ITCH: variants seen among roughly 807,000 people sequenced by gnomAD.
ITCH encodes E3 ubiquitin-protein ligase Itchy homolog.
A neutral mutation model predicts 126.8 loss-of-function variants in ITCH; 28 were observed. The ratio of observed to expected loss-of-function variants is 0.22; its 90% confidence interval spans 0.16 to 0.30. The LOEUF is 0.30. Ranked by LOEUF, ITCH falls within the 10% of genes least tolerant of loss-of-function variation. ITCH has a pLI of 1.00. For synonymous variants in ITCH, 342 were observed against 340.0 expected, an observed-to-expected ratio of 1.01 and a Z score of -0.06; for missense variants, 631 against 1,032.4, an observed-to-expected ratio of 0.61 and a Z score of 5.33.
chr20:34,416,228 G>A (rs1337130068), intron 6 of ITCH, among the ~76,000 whole-genome samples: 5 of 151,854 alleles, frequency 3.3e-5, no homozygotes, highest in South Asian at 2.1e-4. Context: ...GAGAAACCTC[G>A]TCTCTACTAA....
intron 1 of ITCH, among the ~76,000 whole-genome samples, chr20:34,363,700 A>C (rs568986507): frequency 6.6e-6 from 1 of 152,030 alleles, no homozygotes; most frequent in East Asian, 1.9e-4. Context: ...GCCACTCTCC[A>C]GCGGTTCGGC....
chr20:34,464,689 C>T (rs1986881060), intron 14 of ITCH, among the ~76,000 whole-genome samples: 1 of 151,846 alleles, frequency 6.6e-6, no homozygotes, highest in Admixed American at 6.6e-5. Flanking sequence ...TTTCCAAATC[C>T]AGTGTCATAA....
At chr20:34,471,340 G>A (rs1421003402) in intron 15 of ITCH, 104 bp from the exon 16 acceptor site, 5 of 729,606 alleles carry the variant, frequency 6.9e-6, no homozygotes, top group South Asian at 1.5e-5. Flanking sequence ...TAGTCTACTT[G>A]TTTCTGTAAG....
chr20:34,507,612 G>C (rs118176813), intron 24 of ITCH, 83 bp from the exon 25 acceptor site: 30,655 of 1,031,010 alleles, frequency 0.03, 707 homozygotes, highest in South Asian at 0.074. Flanking sequence ...TGCTTCTATA[G>C]TAGTGTATAA....
chr20:34,458,615 T>A (rs761461778), intron 13 of ITCH, among the ~76,000 whole-genome samples: 1 of 152,204 alleles, frequency 6.6e-6, no homozygotes, highest in Non-Finnish European at 1.5e-5. Flanking sequence ...GAGATCACGA[T>A]GTCAGCAGGG....
chr20:34,498,122 T>C (rs1178200945), intron 23 of ITCH, among the ~76,000 whole-genome samples: 2 of 152,254 alleles, frequency 1.3e-5, no homozygotes, highest in East Asian at 1.9e-4. Flanking sequence ...CTTTCTTGAT[T>C]TCTTTTTCTT....
chr20:34,381,463 G>C (rs2038060601), intron 2 of ITCH, among the ~76,000 whole-genome samples: 1 of 150,432 alleles, frequency 6.6e-6, no homozygotes, highest in African/African-American at 2.4e-5. Flanking sequence ...GTCTTGCTTT[G>C]TCGCCCAGGC....
chr20:34,400,844 G>A (rs966050990), intron 3 of ITCH, among the ~76,000 whole-genome samples: 3 of 151,628 alleles, frequency 2.0e-5, no homozygotes, highest in Non-Finnish European at 2.9e-5. Context: ...TGCAACCTCC[G>A]CCTCCCAGGT....
At chr20:34,368,926 T>G (rs2037517918) in intron 1 of ITCH, among the ~76,000 whole-genome samples, 1 of 152,198 alleles carries the variant, frequency 6.6e-6, no homozygotes, top group African/African-American at 2.4e-5. Context: ...TTTCCCTCAG[T>G]TCTTTCTTTT....
intron 3 of ITCH, among the ~76,000 whole-genome samples, chr20:34,396,650 A>G (rs997611359): frequency 2.0e-5 from 3 of 152,002 alleles, no homozygotes; most frequent in African/African-American, 7.2e-5. Flanking sequence ...CTGGGACTAC[A>G]GGCATGCACC....
chr20:34,508,080 T>A lies in ITCH; in HGVS notation c.*286T>A. On this transcript the variant is annotated 3_prime_UTR_variant, in exon 25 of 25. Transcript: ENST00000374864. Reference sequence around the variant, plus strand: ...CTAGTTTATTCCTTTAACAACAATATTTTATGTGTGTCAAAAGTCTCACTT... The same window carrying A: ...CTAGTTTATTCCTTTAACAACAATAATTTATGTGTGTCAAAAGTCTCACTT... 2.5e-6 allele frequency: 1 copy of A among 392,464 alleles called. No individual in the cohort carries two copies. The highest frequency in any genetic ancestry group is 5.7e-5 in the East Asian group (1 of 17,654). The allele number at this position is 392,464 out of a possible 1,614,324, so 24.3% of individuals were successfully genotyped here. A position where few individuals can be genotyped will look rare whatever the true frequency, so the allele number is the denominator to read the frequency against.
intron 3 of ITCH, among the ~76,000 whole-genome samples, chr20:34,400,241 A>T (rs1015298239): frequency 2.6e-5 from 4 of 151,426 alleles, no homozygotes; most frequent in African/African-American, 7.3e-5. Flanking sequence ...CCGGCCAAAA[A>T]TTTTTTTTTG....
chr20:34,503,877 T>G (rs1990437888), intron 23 of ITCH, among the ~76,000 whole-genome samples: 2 of 109,140 alleles, frequency 1.8e-5, no homozygotes, highest in South Asian at 2.9e-4. Flanking sequence ...TTGGTTTTTT[T>G]TTTTTTGGTT....
chr20:34,470,829 C>T (rs891541897), intron 15 of ITCH, among the ~76,000 whole-genome samples: 1 of 152,228 alleles, frequency 6.6e-6, no homozygotes, highest in Non-Finnish European at 1.5e-5. Flanking sequence ...AAATGATCCT[C>T]CTGCCTCATC....
rs1040140285 is a variant in ITCH, at chr20:34,489,996, A to G, written c.2319+70A>G. 2.7e-6 allele frequency: 3 copies of G among 1,099,650 alleles called. No individual in the cohort carries two copies. In the African/African-American group the frequency reaches 4.6e-5, roughly 17 times the overall value. The allele number at this position is 1,099,650 out of a possible 1,614,324, so 68.1% of individuals were successfully genotyped here. ...TTTAGAATTTGCTTACCACATATGG[A>G]AATGAGTCACAGGTCAAAATGTACC... is the stretch of plus-strand genomic sequence containing the variant. On this transcript the variant is annotated intron_variant, in intron 22 of 24. Coordinates refer to ENST00000374864, the MANE Select transcript of ITCH (RefSeq NM_031483.7).
chr20:34,437,938 C>T (rs1360252152), intron 7 of ITCH, among the ~76,000 whole-genome samples: 2 of 152,204 alleles, frequency 1.3e-5, no homozygotes, highest in African/African-American at 2.4e-5. Context: ...GTTACTTCTA[C>T]TCTAAATCAC....
At chr20:34,503,870 G>GTTT (rs1312659165) in intron 23 of ITCH, among the ~76,000 whole-genome samples, 2 of 56,036 alleles carry the variant, frequency 3.6e-5, no homozygotes, top group Non-Finnish European at 3.8e-5. Context: ...TTTTTTTTTG[G>GTTT]TTTTTTTTTT....
chr20:34,387,939 G>A (rs2038347842), intron 2 of ITCH, among the ~76,000 whole-genome samples: 1 of 152,082 alleles, frequency 6.6e-6, no homozygotes, highest in Non-Finnish European at 1.5e-5. Flanking sequence ...TCTTGACCTT[G>A]TGATCCACCC....
intron 3 of ITCH, among the ~76,000 whole-genome samples, chr20:34,399,669 G>T (rs1011740375): frequency 6.6e-6 from 1 of 151,610 alleles, no homozygotes; most frequent in Admixed American, 6.6e-5. Context: ...GTGAAACCCT[G>T]TTTCTACTAA....
Sources: gnomAD v4.1 joint callset for allele counts (sites outside exome capture counted in the v4.1 genomes callset) on GRCh38, gnomAD v4.1.1 for gene constraint, MANE v1.5 for transcripts, NCBI Gene and HGNC (gene_info 2026-07-23, HGNC 2026-07-21) for gene names.